Variants in FHOD3 observed in about 807,000 individuals in gnomAD.
FHOD3 encodes formin homology 2 domain containing 3.
Under a neutral mutation model 173.0 loss-of-function variants are expected in FHOD3, and 90 were observed. That is an observed-to-expected ratio of 0.52 (90% confidence interval 0.44 to 0.62). FHOD3 has a LOEUF of 0.62. Among genes scored for constraint, FHOD3 ranks in the 20% least tolerant of loss-of-function variants. The probability of loss-of-function intolerance (pLI) is 0.00; values close to 1 mark genes in which losing one functional copy is unlikely to be tolerated. For synonymous variants in FHOD3, 828 were observed against 823.0 expected (o/e 1.01, Z -0.10); for missense variants, 1,945 against 2,034.7 (o/e 0.96, Z 0.85).
At chr18:36,399,879 G>A (rs2048723135) in intron 3 of FHOD3, among the ~76,000 whole-genome samples, 4 of 152,212 alleles carry the variant, frequency 2.6e-5, no homozygotes, top group Admixed American at 1.3e-4. Context: ...TGAGTTTAGA[G>A]GCACGAGATG....
At chr18:36,626,876 G>A (rs2034150733) in intron 10 of FHOD3, among the ~76,000 whole-genome samples, 1 of 152,148 alleles carries the variant, frequency 6.6e-6, no homozygotes, top group African/African-American at 2.4e-5. Context: ...TGATACCCAT[G>A]GAATCATTTG....
intron 3 of FHOD3, among the ~76,000 whole-genome samples, chr18:36,471,160 C>T (rs2053262210): frequency 6.6e-6 from 1 of 152,202 alleles, no homozygotes; most frequent in Admixed American, 6.5e-5. Flanking sequence ...GATGAGGATG[C>T]TCCTCCTGGT....
chr18:36,420,563 G>T (rs573104309), intron 3 of FHOD3, among the ~76,000 whole-genome samples: 13 of 152,324 alleles, frequency 8.5e-5, no homozygotes, highest in African/African-American at 2.4e-4. Context: ...GCTAGCCCTT[G>T]TTGGCTCGGG....
intron 5 of FHOD3, among the ~76,000 whole-genome samples, chr18:36,557,957 G>A (rs1276307112): frequency 6.6e-6 from 1 of 152,182 alleles, no homozygotes; most frequent in Non-Finnish European, 1.5e-5. Flanking sequence ...ACTAAAACAA[G>A]ATCCTTCTGA....
intron 14 of FHOD3, among the ~76,000 whole-genome samples, chr18:36,668,092 T>C (rs1282172192): frequency 6.6e-6 from 1 of 152,092 alleles, no homozygotes; most frequent in African/African-American, 2.4e-5. Context: ...GAATTAGTAC[T>C]AGCTCTTCCT....
At chr18:36,670,768 G>T (rs1274794899) in intron 14 of FHOD3, among the ~76,000 whole-genome samples, 1 of 151,796 alleles carries the variant, frequency 6.6e-6, no homozygotes, top group Non-Finnish European at 1.5e-5. Context: ...ATTTTATCTT[G>T]CTGGGTGCTG....
chr18:36,595,295 C>T (rs1274348874), intron 7 of FHOD3, among the ~76,000 whole-genome samples: 1 of 152,136 alleles, frequency 6.6e-6, no homozygotes, highest in Non-Finnish European at 1.5e-5. Context: ...TTCTCCCTTC[C>T]TCTCCTCCAT....
intron 3 of FHOD3, among the ~76,000 whole-genome samples, chr18:36,445,857 A>G (rs775096839): frequency 1.3e-5 from 2 of 152,162 alleles, no homozygotes; most frequent in African/African-American, 4.8e-5. Context: ...TCAGGGTTAT[A>G]GTTTCCTGGA....
At chr18:36,380,024 T>C (rs2047656543) in intron 3 of FHOD3, among the ~76,000 whole-genome samples, 1 of 152,196 alleles carries the variant, frequency 6.6e-6, no homozygotes, top group Non-Finnish European at 1.5e-5. Context: ...CATCTCAACA[T>C]TTCTGTTGTA....
intron 5 of FHOD3, among the ~76,000 whole-genome samples, chr18:36,532,698 G>C (rs1335786133): frequency 2.0e-5 from 3 of 152,112 alleles, no homozygotes. Context: ...CAAATCCTGG[G>C]TTCCCTCGGA....
chr18:36,551,263 T>A (rs575254924), intron 5 of FHOD3, among the ~76,000 whole-genome samples: 93 of 152,148 alleles, frequency 6.1e-4, no homozygotes, highest in Non-Finnish European at 1.2e-3. Flanking sequence ...CCTTTTAATA[T>A]ATTGTTGGAT....
chr18:36,669,113 A>T (rs540659794), intron 14 of FHOD3, among the ~76,000 whole-genome samples: 205 of 152,068 alleles, frequency 1.3e-3, no homozygotes, highest in Non-Finnish European at 2.2e-3. Flanking sequence ...CTGTTCTATT[A>T]GTTTTCCCTC....
At chr18:36,413,159 A>G (rs1200733178) in intron 3 of FHOD3, among the ~76,000 whole-genome samples, 6 of 152,222 alleles carry the variant, frequency 3.9e-5, no homozygotes, top group Admixed American at 6.5e-5. Context: ...TTTCCAACAT[A>G]AGACCAATGT....
intron 1 of FHOD3, among the ~76,000 whole-genome samples, chr18:36,313,729 A>G (rs1442835674): frequency 6.6e-6 from 1 of 152,210 alleles, no homozygotes; most frequent in African/African-American, 2.4e-5. Context: ...AAGCTGCTCT[A>G]AACATTTGCA....
chr18:36,322,962 G>A (rs965883096), intron 1 of FHOD3, among the ~76,000 whole-genome samples: 3 of 152,176 alleles, frequency 2.0e-5, no homozygotes, highest in Non-Finnish European at 2.9e-5. Flanking sequence ...ACCCTCATGG[G>A]TGCCCTTTTG....
chr18:36,586,922 A>AT (rs2059053570), intron 6 of FHOD3, among the ~76,000 whole-genome samples: 1 of 152,132 alleles, frequency 6.6e-6, no homozygotes, highest in South Asian at 2.1e-4. Flanking sequence ...TCCCCAAAAA[A>AT]GGGGGGTCTT....
chr18:36,320,504 C>G (rs2044341010), intron 1 of FHOD3, among the ~76,000 whole-genome samples: 2 of 152,178 alleles, frequency 1.3e-5, no homozygotes, highest in South Asian at 4.1e-4. Context: ...AGCCTACCAA[C>G]AAAAAGAAGT....
chr18:36,520,760 T>C (rs774386342), intron 5 of FHOD3, among the ~76,000 whole-genome samples: 5 of 152,266 alleles, frequency 3.3e-5, no homozygotes, highest in African/African-American at 4.8e-5. Context: ...TTATCTGAGA[T>C]GAGAAGGAAG....
chr18:36,635,447 C>T (rs1484122393), intron 10 of FHOD3, among the ~76,000 whole-genome samples: 2 of 152,172 alleles, frequency 1.3e-5, no homozygotes, highest in Non-Finnish European at 1.5e-5. Flanking sequence ...GCATGGGGAA[C>T]TCACTGGGGG....
Sources: gnomAD v4.1 joint callset for allele counts (sites outside exome capture counted in the v4.1 genomes callset) on GRCh38, gnomAD v4.1.1 for gene constraint, MANE v1.5 for transcripts, NCBI Gene and HGNC (gene_info 2026-07-23, HGNC 2026-07-21) for gene names.